MYOM2: variants seen among roughly 807,000 people sequenced by gnomAD.
MYOM2 encodes the protein myomesin-2.
MYOM2 carries 254 observed loss-of-function variants against 187.6 expected under a neutral mutation model. The observed-to-expected ratio is 1.35, with a 90% CI of 1.22 to 1.50. The LOEUF (loss-of-function observed/expected upper bound fraction) is 1.50, where lower values mean the gene tolerates loss of function less well. Among genes scored for constraint, MYOM2 ranks in the 40% most tolerant of loss-of-function variants. The probability of loss-of-function intolerance (pLI) is 0.00; values close to 1 mark genes in which losing one functional copy is unlikely to be tolerated. For synonymous variants in MYOM2, 981 were observed against 753.8 expected (o/e 1.30, Z -4.94); for missense variants, 2,796 against 1,924.0 (o/e 1.45, Z -8.48).
chr8:2,136,232 A>C (rs1480423193), intron 32 of MYOM2, among the ~76,000 whole-genome samples: 1 of 152,228 alleles, frequency 6.6e-6, no homozygotes, highest in Non-Finnish European at 1.5e-5. Flanking sequence ...ACCTTTGTGC[A>C]GCTGCAGCCC....
intron 13 of MYOM2, among the ~76,000 whole-genome samples, chr8:2,083,962 G>A (rs1819722920): frequency 1.3e-5 from 2 of 152,240 alleles, no homozygotes; most frequent in Admixed American, 1.3e-4. Flanking sequence ...GTGTGAACGA[G>A]ATGCTGCTGT....
At chr8:2,125,996 T>C (rs1321858421) in intron 31 of MYOM2, among the ~76,000 whole-genome samples, 2 of 152,212 alleles carry the variant, frequency 1.3e-5, no homozygotes, top group Non-Finnish European at 2.9e-5. Context: ...TTGCTTTGGG[T>C]AGTAAAAATG....
rs1797005252 is a variant in MYOM2 at position 2,109,656 on chromosome 8, A to G, written c.3180+125A>G. On this transcript the variant is annotated intron_variant, in intron 25 of 36. Coordinates refer to ENST00000262113, the MANE Select transcript of MYOM2 (RefSeq NM_003970.4). Reference sequence around the variant, plus strand: ...TTTTCTGAGCCTTAAAGATTGGGGCATGGAAGGTTGACAAGATGAATGGAG... The same window carrying G: ...TTTTCTGAGCCTTAAAGATTGGGGCGTGGAAGGTTGACAAGATGAATGGAG... 20 of 1,076,164 alleles carry G rather than the reference A, an allele frequency of 1.9e-5. No individual in the cohort carries two copies. The East Asian group carries it at 5.5e-4, about 30-fold the overall frequency. The allele number at this position is 1,076,164 out of a possible 1,614,324, so 66.7% of individuals were successfully genotyped here.
intron 32 of MYOM2, among the ~76,000 whole-genome samples, chr8:2,134,148 A>G (rs551485260): frequency 2.0e-5 from 3 of 152,090 alleles, no homozygotes; most frequent in African/African-American, 7.2e-5. Flanking sequence ...CTTTTTTTCC[A>G]GGAACGCCCT....
intron 31 of MYOM2, chr8:2,127,823 C>T (rs1296868663): frequency 1.3e-5 from 2 of 156,558 alleles, no homozygotes; most frequent in Non-Finnish European, 2.8e-5. Context: ...TTCACGCACA[C>T]CATCTCTTCG....
At position 2,117,032 on chromosome 8, in the gene MYOM2, G is replaced by A. The variant is rs559777532; in HGVS notation, c.3385+757G>A. Among the ~76,000 whole-genome samples the A allele has an allele frequency of 4.6e-5, 7 of 152,238 alleles. No homozygotes were observed. In the East Asian group the frequency reaches 1.2e-3, roughly 25 times the overall value. On this transcript the variant is annotated intron_variant, in intron 27 of 36. Coordinates refer to ENST00000262113, the MANE Select transcript of MYOM2 (RefSeq NM_003970.4). ...CCCGCCTTGGCCTCCCAAAGTGCTG[G>A]GATTACAGGGGTGATCCACTGCGCC...
At chr8:2,058,563 C>A (rs1377052550) in intron 5 of MYOM2, among the ~76,000 whole-genome samples, 1 of 152,168 alleles carries the variant, frequency 6.6e-6, no homozygotes, top group Admixed American at 6.5e-5. Context: ...ACATATATTG[C>A]TAAAGTTATA....
At chr8:2,051,191 TA>T (rs1040045643) in intron 2 of MYOM2, among the ~76,000 whole-genome samples, 3 of 151,720 alleles carry the variant, frequency 2.0e-5, no homozygotes, top group African/African-American at 7.3e-5. Flanking sequence ...CCACCCAAAA[TA>T]AAAAGCAATG....
intron 15 of MYOM2, among the ~76,000 whole-genome samples, 168 bp from the exon 16 acceptor site, chr8:2,092,178 G>A (rs557093840): frequency 4.0e-5 from 6 of 151,830 alleles, no homozygotes; most frequent in African/African-American, 9.7e-5. Flanking sequence ...AATGGCCCTC[G>A]GGTGGTCGGC....
rs142968841 is a variant in MYOM2, at chr8:2,100,883, C to T, written c.2448C>T (p.Ala816=). 8.7e-6 allele frequency: 14 copies of T among 1,614,020 alleles called. No homozygotes were observed. In the East Asian group the frequency reaches 2.5e-4, roughly 28 times the overall value. The change falls in exon 20 of 37, where the codon GCC becomes GCT. Residue 816 remains alanine (A), a synonymous_variant. Coordinates refer to ENST00000262113, the MANE Select transcript of MYOM2 (RefSeq NM_003970.4). The stretch of plus-strand genomic sequence containing the variant: ...TGGCATCTGACTTCACAGGTCCTGC[C>T]TACGACTTGACGTTCTGTGAGGTCA... ...EAWTMPEPGP[A]YDLTFCEVRD...
chr8:2,127,567 G>C (rs1425755058), intron 31 of MYOM2, among the ~76,000 whole-genome samples: 2 of 152,094 alleles, frequency 1.3e-5, no homozygotes, highest in African/African-American at 4.8e-5. Flanking sequence ...TGGAAGTCCA[G>C]GCAGGCAGTA....
chr8:2,107,772 C>A (rs1183790950), intron 23 of MYOM2, among the ~76,000 whole-genome samples: 1 of 152,180 alleles, frequency 6.6e-6, no homozygotes, highest in Non-Finnish European at 1.5e-5. Flanking sequence ...TTGGCCCTGC[C>A]TCCAGGGTCT....
At chr8:2,053,237 G>A (rs566252066) in intron 3 of MYOM2, among the ~76,000 whole-genome samples, 27 of 152,300 alleles carry the variant, frequency 1.8e-4, no homozygotes, top group Non-Finnish European at 2.6e-4. Flanking sequence ...GAAGGTTAAC[G>A]AAGGTTAACA....
chr8:2,112,459 G>C (rs1008113467), intron 25 of MYOM2, among the ~76,000 whole-genome samples: 1 of 152,128 alleles, frequency 6.6e-6, no homozygotes, highest in Admixed American at 6.5e-5. Flanking sequence ...CTAGTGCACA[G>C]AGAGTGGGGA....
At chr8:2,122,818 C>G (rs980781424) in intron 28 of MYOM2, among the ~76,000 whole-genome samples, 1 of 152,202 alleles carries the variant, frequency 6.6e-6, no homozygotes, top group Non-Finnish European at 1.5e-5. Context: ...ATTTCATTTT[C>G]TTTGTGTCCC....
rs1383926246 is a variant in MYOM2 at position 2,108,231 on chromosome 8, TG to T, written c.2999-554del. 1.7e-4 allele frequency among the ~76,000 whole-genome samples: 26 copies of T among 152,276 alleles called. 1 individual carries two copies. The highest frequency in any genetic ancestry group is 1.6e-3 in the Admixed American group (24 of 15,302). On this transcript the variant is annotated intron_variant, in intron 23 of 36. Coordinates refer to ENST00000262113, the MANE Select transcript of MYOM2 (RefSeq NM_003970.4). ...CTTGCTCTTGAGACTTTCTCAGGAATGCAAAATGCAGTGTATTTTGTTTATT... is the reference window on the plus strand; with the variant it reads ...CTTGCTCTTGAGACTTTCTCAGGAATCAAAATGCAGTGTATTTTGTTTATT...
intron 1 of MYOM2, among the ~76,000 whole-genome samples, chr8:2,047,730 C>G (rs1818354594): frequency 6.6e-6 from 1 of 152,240 alleles, no homozygotes. Context: ...CATCCAAAGA[C>G]TTCCCGGGGA....
chr8:2,099,957 C>G (rs747445480), intron 19 of MYOM2, among the ~76,000 whole-genome samples: 1 of 152,190 alleles, frequency 6.6e-6, no homozygotes, highest in Non-Finnish European at 1.5e-5. Context: ...GCTAAGAAGC[C>G]AGATGAATAA....
chr8:2,107,848 C>T (rs1313261998), intron 23 of MYOM2, among the ~76,000 whole-genome samples: 2 of 152,188 alleles, frequency 1.3e-5, no homozygotes, highest in African/African-American at 2.4e-5. Flanking sequence ...TCCTCTGCAC[C>T]ATTTCAAAGT....
Sources: gnomAD v4.1 joint callset for allele counts (sites outside exome capture counted in the v4.1 genomes callset) on GRCh38, gnomAD v4.1.1 for gene constraint, MANE v1.5 for transcripts, NCBI Gene and HGNC (gene_info 2026-07-23, HGNC 2026-07-21) for gene names.